Variants in HIPK2 observed in about 807,000 individuals in gnomAD.
The protein encoded by HIPK2 is homeodomain interacting protein kinase 2, also known as homeodomain-interacting protein kinase 2.
HIPK2 carries 27 observed loss-of-function variants against 113.7 expected under a neutral mutation model. That is an observed-to-expected ratio of 0.24 (90% CI 0.17 to 0.33). The LOEUF (loss-of-function observed/expected upper bound fraction) is 0.33. Ranked by LOEUF, HIPK2 falls within the 10% of genes least tolerant of loss-of-function variation. HIPK2 has a pLI of 1.00. For synonymous variants in HIPK2, 631 were observed against 642.2 expected, an observed-to-expected ratio of 0.98 and a Z score of 0.26; for missense variants, 1,257 against 1,588.0, an observed-to-expected ratio of 0.79 and a Z score of 3.54.
chr7:139,613,094 G>T lies in HIPK2; in HGVS notation c.2112+108C>A. The T allele has an allele frequency of 2.3e-6, 3 of 1,297,522 alleles. No individual in the cohort carries two copies. The highest frequency in any genetic ancestry group is 1.5e-5 in the African/African-American group (1 of 67,792). 80.4% of individuals were successfully genotyped at this position (1,297,522 alleles called of 1,614,324 possible). On this transcript the variant is annotated intron_variant, in intron 9 of 14. Coordinates refer to ENST00000406875, the MANE Select transcript of HIPK2 (RefSeq NM_022740.5). This position sits in a 1 kb window ranked among gnomAD's most constrained non-coding sequence, Gnocchi z 4.2. ...TACAGATACATTCCAATGACTAGAA[G>T]CACCTAACTCATTACTAGGGAGAGA...
At chr7:139,668,019 C>T (rs1056623437) in intron 2 of HIPK2, among the ~76,000 whole-genome samples, 20 of 150,948 alleles carry the variant, frequency 1.3e-4, no homozygotes, top group Middle Eastern at 6.9e-3. Context: ...CTCAGCTACT[C>T]GGAAGGCTGA....
At chr7:139,632,173 T>C (rs1055383720) in intron 2 of HIPK2, among the ~76,000 whole-genome samples, 1 of 152,192 alleles carries the variant, frequency 6.6e-6, no homozygotes, top group Non-Finnish European at 1.5e-5. Context: ...GGGAACTCAC[T>C]ATGTTGCCTA....
chr7:139,604,292 C>T, intron 9 of HIPK2, 69 bp from the exon 10 acceptor site: 1 of 1,545,534 alleles, frequency 6.5e-7, no homozygotes, highest in Non-Finnish European at 8.8e-7. Context: ...TGAACCCACA[C>T]TTATTCTGTG....
intron 1 of HIPK2, among the ~76,000 whole-genome samples, chr7:139,755,773 A>T (rs1031593905): frequency 6.6e-6 from 1 of 152,238 alleles, no homozygotes; most frequent in East Asian, 1.9e-4. Context: ...CCACATGTGG[A>T]GGGCTTCGGT....
chr7:139,585,842 T>C (rs1036130659), intron 12 of HIPK2, among the ~76,000 whole-genome samples: 1 of 152,216 alleles, frequency 6.6e-6, no homozygotes, highest in Non-Finnish European at 1.5e-5. Context: ...TGGAAAAGTT[T>C]CCTTTTTTCT....
chr7:139,766,632 G>C (rs1220921878), intron 1 of HIPK2, among the ~76,000 whole-genome samples: 2 of 152,218 alleles, frequency 1.3e-5, no homozygotes, highest in Non-Finnish European at 2.9e-5. Context: ...GCAAGAAGCA[G>C]GGTGGCCTGC....
At chr7:139,607,776 T>TTG (rs1478822694) in intron 9 of HIPK2, among the ~76,000 whole-genome samples, 7 of 151,640 alleles carry the variant, frequency 4.6e-5, no homozygotes, top group African/African-American at 9.7e-5. Flanking sequence ...AGGAGAGAAA[T>TTG]TGTGTGTGTT....
chr7:139,755,278 C>T (rs1006882692), intron 1 of HIPK2, among the ~76,000 whole-genome samples: 31 of 152,106 alleles, frequency 2.0e-4, no homozygotes, highest in Admixed American at 1.9e-3. Flanking sequence ...GCCATCAGAC[C>T]GACATACCAC....
At chr7:139,599,127 ACT>A (rs1799328422) in intron 11 of HIPK2, among the ~76,000 whole-genome samples, 2 of 152,312 alleles carry the variant, frequency 1.3e-5, no homozygotes, top group African/African-American at 4.8e-5. Context: ...CTCTTGATTG[ACT>A]TATCGCAAAT....
At chr7:139,729,970 C>T (rs769267711) in intron 1 of HIPK2, among the ~76,000 whole-genome samples, 9 of 152,212 alleles carry the variant, frequency 5.9e-5, no homozygotes, top group Non-Finnish European at 1.2e-4. Context: ...TCACTGACCA[C>T]CTCAAGAGAC....
In HIPK2 at chr7:139,669,230, G is replaced by T. The variant is rs572376736; in HGVS notation, c.1104-37505C>A. Among the ~76,000 whole-genome samples, 6 of 152,268 alleles carry T rather than the reference G, an allele frequency of 3.9e-5. No individual in the cohort carries two copies. In the South Asian group the frequency reaches 1.2e-3, roughly 32 times the overall value. ...CACTATCAATCCCCTTGGCTAGGGGGTCAACTGTGTACTCAGCTTCCTTTT... is the reference window on the plus strand; with the variant it reads ...CACTATCAATCCCCTTGGCTAGGGGTTCAACTGTGTACTCAGCTTCCTTTT... On this transcript the variant is annotated intron_variant, in intron 2 of 14. Transcript: ENST00000406875.
chr7:139,768,829 T>C (rs181589182), intron 1 of HIPK2, among the ~76,000 whole-genome samples: 1 of 152,204 alleles, frequency 6.6e-6, no homozygotes. Flanking sequence ...CTCGGCATTC[T>C]GGAGTGTTCT....
intron 2 of HIPK2, among the ~76,000 whole-genome samples, chr7:139,695,191 C>G (rs1410920237): frequency 6.6e-6 from 1 of 152,248 alleles, no homozygotes; most frequent in Non-Finnish European, 1.5e-5. Flanking sequence ...AATATTCATA[C>G]TGTCTCCCAC....
In HIPK2 at chr7:139,582,626, C is replaced by G. The variant is rs1168660705; in HGVS notation, c.2965+1191G>C. On this transcript the variant is annotated intron_variant, in intron 13 of 14. Transcript: ENST00000406875. ...TAACTCCAAAGTCAGGGAAAAAGAG[C>G]TTCGCCGCAAATGTCGGAAAGGGTG... Among the ~76,000 whole-genome samples the G allele has an allele frequency of 2.6e-5, 4 of 152,364 alleles. No individual in the cohort carries two copies. The East Asian group carries it at 7.7e-4, about 29-fold the overall frequency.
In HIPK2 at chr7:139,620,545, C is replaced by T. The variant is rs368307643; in HGVS notation, c.1638G>A (p.Gln546=). Residue 546 remains glutamine (Q), a synonymous_variant, in exon 7 of 15, where the codon CAG becomes CAA. Coordinates refer to ENST00000406875, the MANE Select transcript of HIPK2 (RefSeq NM_022740.5). The part of the protein sequence containing the change: ...PHSTHVKSCF[Q]NMEICKRRVN... ...CCCGACGCTTGCAGATCTCCATGTT[C>T]TGGAAACATGATTTGACGCTGTTCA... The T allele has an allele frequency of 6.4e-4, 1,041 of 1,614,080 alleles. 4 individuals carry two copies. The highest frequency in any genetic ancestry group is 1.6e-3 in the South Asian group (148 of 91,070).
chr7:139,717,729 GTTT>G (rs57555288), intron 1 of HIPK2, among the ~76,000 whole-genome samples: 1 of 150,482 alleles, frequency 6.6e-6, no homozygotes, highest in African/African-American at 2.5e-5. Flanking sequence ...ATTTCTTTTT[GTTT>G]TTTTTTGTTT....
intron 1 of HIPK2, among the ~76,000 whole-genome samples, chr7:139,753,331 CAGCTGAACTGG>C (rs932838060): frequency 5.9e-5 from 9 of 152,206 alleles, no homozygotes; most frequent in Non-Finnish European, 1.0e-4. Flanking sequence ...GCTGGCGTGG[CAGCTGAACTGG>C]AGATCAGAGG....
At chr7:139,651,215 TA>T (rs946598103) in intron 2 of HIPK2, among the ~76,000 whole-genome samples, 30 of 152,050 alleles carry the variant, frequency 2.0e-4, no homozygotes, top group African/African-American at 5.3e-4. Context: ...TCTAAAAAGG[TA>T]GGAGGCACAA....
intron 1 of HIPK2, among the ~76,000 whole-genome samples, chr7:139,746,744 C>T (rs1236707357): frequency 1.3e-5 from 2 of 152,202 alleles, no homozygotes; most frequent in Non-Finnish European, 2.9e-5. Flanking sequence ...TCCATCTGCA[C>T]ATCCACCAAC....
Sources: allele counts gnomAD v4.1 joint callset (sites outside exome capture counted in the v4.1 genomes callset), GRCh38; gene constraint gnomAD v4.1.1; non-coding constraint Gnocchi (gnomAD v3.1); transcripts MANE v1.5; gene names NCBI Gene and HGNC (gene_info 2026-07-23, HGNC 2026-07-21).